Variants in PDK1 observed in about 807,000 individuals in gnomAD.
PDK1 encodes [Pyruvate dehydrogenase (acetyl-transferring)] kinase isozyme 1, mitochondrial.
Under a neutral mutation model 54.2 loss-of-function variants are expected in PDK1, and 39 were observed. That is an observed-to-expected ratio of 0.72 (90% CI 0.56 to 0.94). The LOEUF is 0.94. Ranked by LOEUF, PDK1 falls within the 40% of genes least tolerant of loss-of-function variation. The pLI is 0.00. For missense variants in PDK1, 552 were observed against 566.0 expected, an observed-to-expected ratio of 0.98 and a Z score of 0.25; for synonymous variants, 221 against 207.1, an observed-to-expected ratio of 1.07 and a Z score of -0.58.
At chr2:172,618,156 C>T in the PDK1 span, among the ~76,000 whole-genome samples, 5 of 152,168 alleles carry the variant, frequency 3.3e-5, no homozygotes, top group African/African-American at 1.2e-4. Flanking sequence ...CCAACTACCC[C>T]TACATTCTAT....
the PDK1 span, among the ~76,000 whole-genome samples, chr2:172,614,280 G>T: frequency 4.7e-4 from 72 of 152,222 alleles, 1 homozygote; most frequent in Middle Eastern, 3.4e-3. Context: ...AGCCAGGGAG[G>T]TCCTGAAGAC....
At chr2:172,566,758 G>A (rs1688974927) in intron 5 of PDK1, 98 bp from the exon 6 acceptor site, 4 of 664,568 alleles carry the variant, frequency 6.0e-6, no homozygotes, top group Non-Finnish European at 1.0e-5. Flanking sequence ...TCTGTAGAGA[G>A]TTCAAGACTT....
At chr2:172,701,697 T>C in the PDK1 span, among the ~76,000 whole-genome samples, 1 of 151,530 alleles carries the variant, frequency 6.6e-6, no homozygotes, top group African/African-American at 2.4e-5. Context: ...CTTCTAGTTC[T>C]GTTAATTTTG....
chr2:172,555,987 C>G (rs1688289867), upstream of PDK1: 1 of 450,216 alleles, frequency 2.2e-6, no homozygotes, highest in South Asian at 7.0e-5. Context: ...CGCTCCGCGT[C>G]CCGCCCAGCG....
the PDK1 span, among the ~76,000 whole-genome samples, chr2:172,711,508 A>G: frequency 6.6e-6 from 1 of 152,192 alleles, no homozygotes; most frequent in Non-Finnish European, 1.5e-5. Context: ...TCACATGGTA[A>G]TGAGAATAGG....
chr2:172,661,028 G>T, the PDK1 span, among the ~76,000 whole-genome samples: 81 of 152,288 alleles, frequency 5.3e-4, no homozygotes, highest in African/African-American at 1.7e-3. Flanking sequence ...GACGTTGGGG[G>T]GTTGGTATGG....
chr2:172,684,975 T>G, the PDK1 span, among the ~76,000 whole-genome samples: 1 of 152,180 alleles, frequency 6.6e-6, no homozygotes, highest in East Asian at 1.9e-4. Flanking sequence ...CTTGTGATAG[T>G]GAATGAGTTC....
At chr2:172,644,976 T>C in the PDK1 span, among the ~76,000 whole-genome samples, 2 of 151,116 alleles carry the variant, frequency 1.3e-5, no homozygotes, top group Non-Finnish European at 3.0e-5. Flanking sequence ...ACAGTACTAA[T>C]ACTAATACCC....
chr2:172,590,670 A>T (rs1216381071), intron 9 of PDK1, among the ~76,000 whole-genome samples: 2 of 152,142 alleles, frequency 1.3e-5, no homozygotes, highest in African/African-American at 4.8e-5. Flanking sequence ...GTGAAAGAAC[A>T]AAGTTTCCGC....
the PDK1 span, among the ~76,000 whole-genome samples, chr2:172,642,374 T>A: frequency 1.3e-5 from 2 of 152,034 alleles, no homozygotes; most frequent in Non-Finnish European, 2.9e-5. Flanking sequence ...GGGGCACAGT[T>A]ATAGAGGAAG....
the PDK1 span, among the ~76,000 whole-genome samples, chr2:172,686,423 A>G: frequency 6.6e-6 from 1 of 152,196 alleles, no homozygotes; most frequent in Admixed American, 6.5e-5. Context: ...AAAAACACCA[A>G]TTAGCGCTCT....
the PDK1 span, among the ~76,000 whole-genome samples, chr2:172,648,863 G>C: frequency 2.6e-5 from 4 of 152,238 alleles, no homozygotes; most frequent in African/African-American, 7.2e-5. Context: ...GCCCACCGCA[G>C]CTTAAGGAGG....
the PDK1 span, among the ~76,000 whole-genome samples, chr2:172,635,216 A>G: frequency 6.6e-6 from 1 of 152,244 alleles, no homozygotes; most frequent in Non-Finnish European, 1.5e-5. Context: ...AAATTTATAT[A>G]AAAATGTATT....
At chr2:172,618,417 A>C in the PDK1 span, among the ~76,000 whole-genome samples, 1 of 152,258 alleles carries the variant, frequency 6.6e-6, no homozygotes, top group Admixed American at 6.5e-5. Context: ...CAATGATGGC[A>C]ACAAGCAATA....
At chr2:172,595,359 C>T (rs529569737) in intron 10 of PDK1, among the ~76,000 whole-genome samples, 7 of 152,176 alleles carry the variant, frequency 4.6e-5, no homozygotes, top group African/African-American at 1.2e-4. Flanking sequence ...CATAAGCCAC[C>T]GTGCCTGGCT....
chr2:172,587,015 T>C (rs1304833257), intron 9 of PDK1, among the ~76,000 whole-genome samples: 2 of 152,232 alleles, frequency 1.3e-5, no homozygotes, highest in African/African-American at 2.4e-5. Context: ...TCTATTCTTC[T>C]AGGCTTGGAA....
chr2:172,592,233 T>C (rs1410520774), intron 9 of PDK1, among the ~76,000 whole-genome samples: 2 of 152,238 alleles, frequency 1.3e-5, no homozygotes, highest in Non-Finnish European at 2.9e-5. Flanking sequence ...TTATCAGTTA[T>C]AGGTTTTAAA....
At chr2:172,557,768 C>G (rs577777128) in intron 1 of PDK1, among the ~76,000 whole-genome samples, 1 of 151,974 alleles carries the variant, frequency 6.6e-6, no homozygotes, top group East Asian at 1.9e-4. Context: ...AGCCACCATG[C>G]CCGGACTGCA....
the PDK1 span, among the ~76,000 whole-genome samples, chr2:172,647,424 G>C: frequency 6.6e-6 from 1 of 152,086 alleles, no homozygotes; most frequent in African/African-American, 2.4e-5. Flanking sequence ...ATGCAAGTAA[G>C]AAACTGCTCA....
Sources: allele counts gnomAD v4.1 joint callset (sites outside exome capture counted in the v4.1 genomes callset), GRCh38; gene constraint gnomAD v4.1.1; transcripts MANE v1.5; gene names NCBI Gene and HGNC (gene_info 2026-07-23, HGNC 2026-07-21).